UVRAG: variants seen among roughly 807,000 people sequenced by gnomAD.
UVRAG encodes UV radiation resistance-associated gene protein.
A neutral mutation model predicts 78.0 loss-of-function variants in UVRAG; 19 were observed. That is an observed-to-expected ratio of 0.24 (90% CI 0.17 to 0.36). UVRAG has a LOEUF of 0.36. UVRAG is among the 10% of genes least tolerant of loss of function. The probability of loss-of-function intolerance (pLI) is 1.00; values close to 1 mark genes in which losing one functional copy is unlikely to be tolerated. For synonymous variants in UVRAG, 323 were observed against 324.6 expected, an observed-to-expected ratio of 1.00 and a Z score of 0.05; for missense variants, 740 against 853.8, an observed-to-expected ratio of 0.87 and a Z score of 1.66.
intron 14 of UVRAG, among the ~76,000 whole-genome samples, chr11:76,128,720 G>A (rs1422740601): frequency 6.6e-6 from 1 of 152,090 alleles, no homozygotes; most frequent in Non-Finnish European, 1.5e-5. Flanking sequence ...GGGCTCAAGT[G>A]ATTCCCCCCA....
rs1413122401 is a variant in UVRAG, at chr11:75,917,688, C to T, written c.593+5649C>T. 3.3e-5 allele frequency among the ~76,000 whole-genome samples: 5 copies of T among 152,174 alleles called. 1 individual carries two copies. Among genetic ancestry groups the T allele is most frequent in the Admixed American group, 2.0e-4 (3 of 15,282 alleles). On this transcript the variant is annotated intron_variant, in intron 6 of 14. Transcript: ENST00000356136. ...AGCCACACTCATCGCGTTAATACTC[C>T]TCTTCCTTTTCTTTTCCCTGGTTTG...
At chr11:76,134,850 CA>C (rs1952573270) in intron 14 of UVRAG, among the ~76,000 whole-genome samples, 1 of 152,178 alleles carries the variant, frequency 6.6e-6, no homozygotes, top group Non-Finnish European at 1.5e-5. Flanking sequence ...TCATATAACT[CA>C]GGGGTGCCCA....
chr11:75,927,976 C>T (rs551698185), intron 6 of UVRAG, among the ~76,000 whole-genome samples: 122 of 152,200 alleles, frequency 8.0e-4, no homozygotes, highest in Non-Finnish European at 1.4e-3. Context: ...GTGGCACATG[C>T]CTGTAGTCCC....
At chr11:75,888,468 C>A (rs572001442) in intron 4 of UVRAG, among the ~76,000 whole-genome samples, 197 of 152,214 alleles carry the variant, frequency 1.3e-3, no homozygotes, top group African/African-American at 4.5e-3. Context: ...AAAAAAAATA[C>A]TTTTAGAATT....
intron 12 of UVRAG, among the ~76,000 whole-genome samples, chr11:76,046,454 T>A (rs1027469464): frequency 6.6e-6 from 1 of 152,064 alleles, no homozygotes; most frequent in Non-Finnish European, 1.5e-5. Context: ...AATAAATTAG[T>A]GAGAGGTACG....
chr11:75,957,666 T>C (rs1485801015), intron 6 of UVRAG, among the ~76,000 whole-genome samples: 1 of 152,228 alleles, frequency 6.6e-6, no homozygotes, highest in African/African-American at 2.4e-5. Context: ...TTCCAGTCCA[T>C]GTACATGTAT....
At chr11:75,883,831 C>T (rs1374568223) in intron 4 of UVRAG, among the ~76,000 whole-genome samples, 2 of 152,102 alleles carry the variant, frequency 1.3e-5, no homozygotes, top group Non-Finnish European at 1.5e-5. Flanking sequence ...AAAATCCACC[C>T]TTTTTAAAGT....
intron 6 of UVRAG, among the ~76,000 whole-genome samples, chr11:75,938,785 A>G (rs1427383194): frequency 2.6e-5 from 4 of 152,100 alleles, no homozygotes; most frequent in Non-Finnish European, 4.4e-5. Context: ...TACTCAGCTG[A>G]ATATTTGAGT....
At chr11:76,090,062 GA>G (rs941553096) in intron 13 of UVRAG, among the ~76,000 whole-genome samples, 7 of 152,128 alleles carry the variant, frequency 4.6e-5, no homozygotes, top group African/African-American at 1.7e-4. Flanking sequence ...CAGCCCTTTA[GA>G]AAGACTTCCT....
At chr11:75,873,057 A>G (rs1008406694) in intron 3 of UVRAG, among the ~76,000 whole-genome samples, 2 of 152,204 alleles carry the variant, frequency 1.3e-5, no homozygotes, top group Admixed American at 6.5e-5. Context: ...TTAACCACTC[A>G]CAGGTTCCTA....
intron 1 of UVRAG, among the ~76,000 whole-genome samples, chr11:75,825,111 C>CTT (rs112517783): frequency 2.1e-5 from 3 of 141,452 alleles, no homozygotes; most frequent in Admixed American, 1.4e-4. Flanking sequence ...TAAGTAATGT[C>CTT]TTTTTTTTTT....
chr11:75,887,516 C>T (rs1947108396), intron 4 of UVRAG, among the ~76,000 whole-genome samples: 1 of 147,338 alleles, frequency 6.8e-6, no homozygotes, highest in Non-Finnish European at 1.5e-5. Context: ...GGCACAATCT[C>T]GGCTCTCTGC....
At chr11:75,986,864 G>C (rs1300511079) in intron 8 of UVRAG, among the ~76,000 whole-genome samples, 1 of 151,058 alleles carries the variant, frequency 6.6e-6, no homozygotes, top group Admixed American at 6.6e-5. Flanking sequence ...CAATATTGTG[G>C]TCTTTTATGA....
chr11:76,067,825 G>A (rs539796559), intron 13 of UVRAG, among the ~76,000 whole-genome samples: 4 of 152,060 alleles, frequency 2.6e-5, no homozygotes, highest in Non-Finnish European at 5.9e-5. Flanking sequence ...CTCCTCCAGC[G>A]ATGTCAGCCG....
chr11:75,946,804 T>C (rs1032879982), intron 6 of UVRAG, among the ~76,000 whole-genome samples: 2 of 152,184 alleles, frequency 1.3e-5, no homozygotes, highest in African/African-American at 4.8e-5. Flanking sequence ...GCCAGTCCCT[T>C]TTAAGGGCTT....
chr11:75,958,134 C>G (rs1278366040), intron 6 of UVRAG, among the ~76,000 whole-genome samples: 1 of 152,152 alleles, frequency 6.6e-6, no homozygotes, highest in Non-Finnish European at 1.5e-5. Flanking sequence ...GGTCTTGCCT[C>G]CATGTCAGTG....
At chr11:75,858,131 A>G (rs76750285) in intron 2 of UVRAG, among the ~76,000 whole-genome samples, 5,467 of 149,242 alleles carry the variant, frequency 0.037, 161 homozygotes, top group Non-Finnish European at 0.057. Context: ...TTTTTAATTT[A>G]ATTTTTTAAT....
intron 7 of UVRAG, among the ~76,000 whole-genome samples, chr11:75,982,824 A>C (rs1043536430): frequency 6.6e-6 from 1 of 152,222 alleles, no homozygotes; most frequent in African/African-American, 2.4e-5. Context: ...TCCATGTTGT[A>C]GCATTTGTCA....
chr11:76,002,331 T>C (rs1949830487), intron 8 of UVRAG, among the ~76,000 whole-genome samples: 1 of 152,184 alleles, frequency 6.6e-6, no homozygotes, highest in African/African-American at 2.4e-5. Flanking sequence ...GTATGTTACA[T>C]TTTGTTAGCT....
Sources: gnomAD v4.1 joint callset for allele counts (sites outside exome capture counted in the v4.1 genomes callset) on GRCh38, gnomAD v4.1.1 for gene constraint, MANE v1.5 for transcripts, NCBI Gene and HGNC (gene_info 2026-07-23, HGNC 2026-07-21) for gene names.